The following PREP variants were observed in gnomAD, a reference collection of about 807,000 sequenced individuals.
The protein encoded by PREP is prolyl endopeptidase, also known as dJ355L5.1 (prolyl endopeptidase).
Under a neutral mutation model 87.6 loss-of-function variants are expected in PREP, and 29 were observed. That is an observed-to-expected ratio of 0.33 (90% CI 0.25 to 0.45). The LOEUF is 0.45. PREP is among the 20% of genes least tolerant of loss of function. PREP has a pLI of 1.00. For synonymous variants in PREP, 337 were observed against 328.6 expected, an observed-to-expected ratio of 1.03 and a Z score of -0.28; for missense variants, 695 against 886.5, an observed-to-expected ratio of 0.78 and a Z score of 2.74.
chr6:105,317,094 T>G (rs1296238589), intron 10 of PREP, among the ~76,000 whole-genome samples: 2 of 151,752 alleles, frequency 1.3e-5, no homozygotes, highest in Non-Finnish European at 2.9e-5. Flanking sequence ...TACAGTTGTA[T>G]ACCACCGTGC....
At chr6:105,281,610 T>A in intron 14 of PREP, 136 bp downstream of exon 14, 1 of 1,053,554 alleles carries the variant, frequency 9.5e-7, no homozygotes, top group South Asian at 1.8e-5. Context: ...AAGTAGGTAG[T>A]CCCATCTCCT....
At chr6:105,343,948 T>C (rs1771730499) in intron 7 of PREP, among the ~76,000 whole-genome samples, 1 of 152,218 alleles carries the variant, frequency 6.6e-6, no homozygotes, top group Non-Finnish European at 1.5e-5. Context: ...TCAACCATTG[T>C]GGAAGACAGT....
Position 105,277,059 on chromosome 6 carries a change from T to C in PREP, c.*1085A>G, listed in dbSNP as rs1039735172. Among the ~76,000 whole-genome samples, 6 of 152,104 alleles carry C rather than the reference T, an allele frequency of 3.9e-5. No individual in the cohort carries two copies. Among genetic ancestry groups the C allele is most frequent in the Non-Finnish European group, 5.9e-5 (4 of 68,018 alleles). On this transcript the variant is annotated 3_prime_UTR_variant, in exon 15 of 15. Transcript: ENST00000652536. The stretch of plus-strand genomic sequence containing the variant: ...TCCCAAACTGATACTCAAAGGAACA[T>C]TGTTTCATGAAATGTTAAAATATAT...
chr6:105,373,908 T>C (rs188645051), intron 4 of PREP, among the ~76,000 whole-genome samples: 2 of 152,368 alleles, frequency 1.3e-5, no homozygotes, highest in Non-Finnish European at 1.5e-5. Context: ...CTGGGACTTC[T>C]GTCATATTTC....
intron 7 of PREP, among the ~76,000 whole-genome samples, chr6:105,333,929 G>C (rs1357598098): frequency 1.3e-5 from 2 of 152,072 alleles, no homozygotes; most frequent in Non-Finnish European, 2.9e-5. Flanking sequence ...AAAATGTCTG[G>C]AGACATTTTC....
Position 105,322,766 on chromosome 6 carries a change from C to T in PREP, c.1317+899G>A, listed in dbSNP as rs1009093719. 1.8e-5 allele frequency: 19 copies of T among 1,048,156 alleles called. No individual in the cohort carries two copies. The African/African-American group carries it at 3.0e-4, about 17-fold the overall frequency. The allele number at this position is 1,048,156 out of a possible 1,614,324, so 64.9% of individuals were successfully genotyped here. A position where few individuals can be genotyped will look rare whatever the true frequency, so the allele number is the denominator to read the frequency against. On this transcript the variant is annotated intron_variant, in intron 10 of 14. Coordinates refer to ENST00000652536, the MANE Select transcript of PREP (RefSeq NM_002726.5). Reference sequence around the variant, plus strand: ...TCATAGCTCTACACCAAATCCAGCCCACCACCTGTTTTAGTAAACAAAGCT... The same window carrying T: ...TCATAGCTCTACACCAAATCCAGCCTACCACCTGTTTTAGTAAACAAAGCT...
chr6:105,296,887 A>G (rs1177355689), intron 10 of PREP, among the ~76,000 whole-genome samples: 1 of 152,210 alleles, frequency 6.6e-6, no homozygotes, highest in East Asian at 1.9e-4. Flanking sequence ...AGAGAGCTCC[A>G]ACAATCTGCT....
At chr6:105,350,195 CCT>C (rs1024764258) in intron 7 of PREP, among the ~76,000 whole-genome samples, 5 of 152,030 alleles carry the variant, frequency 3.3e-5, no homozygotes, top group Admixed American at 2.6e-4. Context: ...TCTAAATATT[CCT>C]CTTTCAGTCA....
intron 2 of PREP, among the ~76,000 whole-genome samples, chr6:105,387,512 A>G (rs1372850449): frequency 6.6e-6 from 1 of 152,112 alleles, no homozygotes; most frequent in East Asian, 1.9e-4. Flanking sequence ...CTACAACAGC[A>G]GTGTCCAGTC....
At chr6:105,341,863 C>T (rs1771660897) in intron 7 of PREP, among the ~76,000 whole-genome samples, 2 of 152,208 alleles carry the variant, frequency 1.3e-5, no homozygotes, top group Non-Finnish European at 2.9e-5. Context: ...CCTGAATAGA[C>T]TAATAACAGG....
intron 7 of PREP, among the ~76,000 whole-genome samples, chr6:105,337,990 A>G (rs531874342): frequency 8.0e-5 from 12 of 149,722 alleles, no homozygotes; most frequent in Non-Finnish European, 1.3e-4. Flanking sequence ...TGTACATAAA[A>G]CAATGCTTTA....
intron 10 of PREP, among the ~76,000 whole-genome samples, chr6:105,308,919 G>C (rs1770703953): frequency 6.6e-6 from 1 of 152,146 alleles, no homozygotes; most frequent in African/African-American, 2.4e-5. Flanking sequence ...ATAGTACACA[G>C]GATGGAGAGC....
chr6:105,287,578 C>T (rs923140862), intron 11 of PREP, among the ~76,000 whole-genome samples: 1 of 152,172 alleles, frequency 6.6e-6, no homozygotes, highest in African/African-American at 2.4e-5. Context: ...AAATAATGAG[C>T]TTCTACAGAT....
chr6:105,322,923 C>T, intron 10 of PREP: 1 of 1,217,934 alleles, frequency 8.2e-7, no homozygotes, highest in Non-Finnish European at 1.1e-6. Flanking sequence ...TTATTCTCAT[C>T]TTCCTTCACA....
chr6:105,347,293 A>T (rs1771824217), intron 7 of PREP, among the ~76,000 whole-genome samples: 1 of 152,238 alleles, frequency 6.6e-6, no homozygotes, highest in Admixed American at 6.5e-5. Context: ...GCAGATGGGG[A>T]GCACTTGAAG....
intron 10 of PREP, among the ~76,000 whole-genome samples, chr6:105,293,891 C>T (rs1583039331): frequency 6.6e-6 from 1 of 152,170 alleles, no homozygotes; most frequent in African/African-American, 2.4e-5. Context: ...TTTTCCATCA[C>T]GTACTTTCTA....
At chr6:105,298,412 G>A (rs775851935) in intron 10 of PREP, 2 of 152,958 alleles carry the variant, frequency 1.3e-5, no homozygotes, top group Non-Finnish European at 2.9e-5. Flanking sequence ...ACTGACCAGA[G>A]ACAGTGCAAG....
intron 10 of PREP, among the ~76,000 whole-genome samples, chr6:105,299,803 C>T (rs1770493289): frequency 6.6e-6 from 1 of 152,114 alleles, no homozygotes. Context: ...TTAACACATT[C>T]ATTTCTTCTT....
At chr6:105,370,987 A>G (rs1772525881) in intron 5 of PREP, among the ~76,000 whole-genome samples, 1 of 152,216 alleles carries the variant, frequency 6.6e-6, no homozygotes, top group Non-Finnish European at 1.5e-5. Flanking sequence ...AATGTACAAC[A>G]CCAAAATCAA....
Sources: gnomAD v4.1 joint callset for allele counts (sites outside exome capture counted in the v4.1 genomes callset) on GRCh38, gnomAD v4.1.1 for gene constraint, MANE v1.5 for transcripts, NCBI Gene and HGNC (gene_info 2026-07-23, HGNC 2026-07-21) for gene names.